The following BSCL2 variants were observed in gnomAD, a reference collection of about 807,000 sequenced individuals.
BSCL2 encodes BSCL2 lipid droplet biogenesis associated, seipin.
BSCL2 carries 41 observed loss-of-function variants against 57.4 expected under a neutral mutation model. That is an observed-to-expected ratio of 0.71 (90% CI 0.56 to 0.93). The LOEUF (loss-of-function observed/expected upper bound fraction) is 0.93, where lower values mean the gene tolerates loss of function less well. Among genes scored for constraint, BSCL2 ranks in the 40% least tolerant of loss-of-function variants. The pLI is 0.00. For synonymous variants in BSCL2, 237 were observed against 227.3 expected, an observed-to-expected ratio of 1.04 and a Z score of -0.38; for missense variants, 539 against 586.7, an observed-to-expected ratio of 0.92 and a Z score of 0.84.
At chr11:62,706,754 C>T in intron 1 of BSCL2, 1 of 526,044 alleles carries the variant, frequency 1.9e-6, no homozygotes. Context: ...CAGTTTGCGG[C>T]AACCTGGGCC....
chr11:62,701,528 T>C (rs767777164), intron 3 of BSCL2, among the ~76,000 whole-genome samples: 1 of 152,126 alleles, frequency 6.6e-6, no homozygotes, highest in Non-Finnish European at 1.5e-5. Flanking sequence ...ATGTGATTTA[T>C]TGAATGCTGT....
At chr11:62,708,142 G>A (rs2134751358), upstream of BSCL2, 1 of 662,334 alleles carries the variant, frequency 1.5e-6, no homozygotes, top group Non-Finnish European at 2.8e-6. Flanking sequence ...GAGGAATACA[G>A]GGATGAGACA....
intron 8 of BSCL2, 57 bp downstream of exon 8, chr11:62,691,018 T>C (rs1945294929): frequency 6.2e-7 from 1 of 1,601,466 alleles, no homozygotes; most frequent in Non-Finnish European, 8.6e-7. Context: ...GGACTCCTTC[T>C]GGCCCAGCCC....
intron 3 of BSCL2, among the ~76,000 whole-genome samples, chr11:62,696,275 T>TG (rs1491304451): frequency 1.1e-4 from 13 of 118,252 alleles, no homozygotes; most frequent in African/African-American, 3.8e-4. Flanking sequence ...CTTCATAAAC[T>TG]TTTTGTGTGT....
chr11:62,699,525 G>A (rs1945576908), intron 3 of BSCL2, among the ~76,000 whole-genome samples: 1 of 152,056 alleles, frequency 6.6e-6, no homozygotes, highest in Admixed American at 6.6e-5. Context: ...AACCATAGAA[G>A]CAAACTGAAT....
chr11:62,696,197 T>A (rs900221570), intron 3 of BSCL2, among the ~76,000 whole-genome samples: 3 of 151,796 alleles, frequency 2.0e-5, no homozygotes, highest in Admixed American at 1.3e-4. Flanking sequence ...CAAAAAACTA[T>A]CTGTTGAAGA....
At chr11:62,699,748 G>A (rs1945585950) in intron 3 of BSCL2, among the ~76,000 whole-genome samples, 1 of 147,338 alleles carries the variant, frequency 6.8e-6, no homozygotes, top group Non-Finnish European at 1.5e-5. Context: ...GAGCAGTCTC[G>A]GCTCATTGCA....
intron 2 of BSCL2, among the ~76,000 whole-genome samples, chr11:62,705,049 C>T (rs1216339427): frequency 1.3e-5 from 2 of 150,284 alleles, no homozygotes; most frequent in African/African-American, 4.9e-5. Flanking sequence ...AATTGATCCT[C>T]ATAATGATAG....
intron 3 of BSCL2, among the ~76,000 whole-genome samples, chr11:62,695,802 G>A (rs1945443424): frequency 6.6e-6 from 1 of 151,748 alleles, no homozygotes; most frequent in Admixed American, 6.6e-5. Context: ...CCTTGGGGGT[G>A]CTTTCAGTGT....
chr11:62,696,278 T>TTTTGTG (rs1554984017), intron 3 of BSCL2, among the ~76,000 whole-genome samples: 4,990 of 136,284 alleles, frequency 0.037, 116 homozygotes, highest in Non-Finnish European at 0.046. Flanking sequence ...CATAAACTTT[T>TTTTGTG]TGTGTGTGTG....
chr11:62,695,347 AG>A (rs1945425589), intron 3 of BSCL2, among the ~76,000 whole-genome samples: 1 of 151,960 alleles, frequency 6.6e-6, no homozygotes, highest in Admixed American at 6.6e-5. Context: ...CTCACACAGT[AG>A]TATATAAAAA....
At chr11:62,700,690 C>T (rs539790605) in intron 3 of BSCL2, among the ~76,000 whole-genome samples, 207 of 151,908 alleles carry the variant, frequency 1.4e-3, no homozygotes, top group African/African-American at 4.8e-3. Context: ...TGGTTGCTCA[C>T]GCATGTAATC....
chr11:62,702,495 G>T lies in BSCL2; in HGVS notation c.459C>A (p.Val153=). ...GATCACGTCCACCCTTAGTCAGCGA[G>T]ACATTGGCAACAGGGAAGGAGCAGA... The part of the protein sequence containing the change: ...TSLCSFPVAN[V]SLTKGGRDRV... Residue 153 remains valine, a synonymous_variant, in exon 3 of 11, where the codon GTC becomes GTA. Coordinates refer to ENST00000360796, the MANE Select transcript of BSCL2 (RefSeq NM_001122955.4). 1 of 1,613,132 alleles carries T rather than the reference G, an allele frequency of 6.2e-7. No individual in the cohort carries two copies. The highest frequency in any genetic ancestry group is 8.5e-7 in the Non-Finnish European group (1 of 1,179,338).
At chr11:62,698,983 G>T (rs1271703508) in intron 3 of BSCL2, among the ~76,000 whole-genome samples, 1 of 152,038 alleles carries the variant, frequency 6.6e-6, no homozygotes, top group African/African-American at 2.4e-5. Flanking sequence ...TCAGCTCACT[G>T]CAACCTCCGC....
chr11:62,708,403 G>C (rs762297431), upstream of BSCL2: 1 of 1,593,894 alleles, frequency 6.3e-7, no homozygotes, highest in South Asian at 1.1e-5. Context: ...AGGTAGGTGG[G>C]ACCCTGGCTG....
At position 62,690,759 on chromosome 11, in the gene BSCL2, A is replaced by G. The variant is rs772967591; in HGVS notation, c.1153+28T>C. ...GAAGGAGAAAGCCAAGGAGTCAGGAAGGAGAGAGTGTGGTGGCTGCGCCAT... is the reference window on the plus strand; with the variant it reads ...GAAGGAGAAAGCCAAGGAGTCAGGAGGGAGAGAGTGTGGTGGCTGCGCCAT... On this transcript the variant is annotated intron_variant, in intron 9 of 10. Transcript: ENST00000360796. The G allele has an allele frequency of 1.1e-5, 17 of 1,613,764 alleles. No individual in the cohort carries two copies. The East Asian group carries it at 1.3e-4, about 13-fold the overall frequency.
chr11:62,708,043 C>T, upstream of BSCL2: 2 of 531,298 alleles, frequency 3.8e-6, no homozygotes, highest in Admixed American at 3.1e-5. Flanking sequence ...GCTGAAAAGC[C>T]TTAAATCATT....
At chr11:62,708,891 C>A, upstream of BSCL2, 2 of 1,008,642 alleles carry the variant, frequency 2.0e-6, no homozygotes, top group Non-Finnish European at 3.1e-6. Context: ...GCCCCTTAGG[C>A]TCCTTGCATC....
chr11:62,696,095 C>T (rs1055320091), intron 3 of BSCL2, among the ~76,000 whole-genome samples: 1 of 152,122 alleles, frequency 6.6e-6, no homozygotes, highest in Non-Finnish European at 1.5e-5. Context: ...TGCTTGAACC[C>T]GAGAGGCGGA....
Sources: gnomAD v4.1 joint callset for allele counts (sites outside exome capture counted in the v4.1 genomes callset) on GRCh38, gnomAD v4.1.1 for gene constraint, MANE v1.5 for transcripts, NCBI Gene and HGNC (gene_info 2026-07-23, HGNC 2026-07-21) for gene names.